The following IGSF21 variants were observed in gnomAD, a reference collection of about 807,000 sequenced individuals.
The protein encoded by IGSF21 is immunoglobin superfamily member 21, also known as immunoglobulin superfamily member 21.
IGSF21 carries 28 observed loss-of-function variants against 46.8 expected under a neutral mutation model. The ratio of observed to expected loss-of-function variants is 0.60; its 90% CI spans 0.44 to 0.82. IGSF21 has a LOEUF of 0.82. IGSF21 is among the 40% of genes least tolerant of loss of function. The pLI is 0.00. For missense variants in IGSF21, 624 were observed against 665.5 expected (o/e 0.94, Z 0.69); for synonymous variants, 284 against 273.6 (o/e 1.04, Z -0.38).
chr1:18,351,621 T>C (rs1211627335), intron 4 of IGSF21, among the ~76,000 whole-genome samples: 1 of 152,168 alleles, frequency 6.6e-6, no homozygotes, highest in Non-Finnish European at 1.5e-5. Context: ...AGTTCTTGAA[T>C]GTGCCTCCCT....
Position 18,322,941 on chromosome 1 carries a change from T to C in IGSF21, c.306-11951T>C, listed in dbSNP as rs2085618472. Among the ~76,000 whole-genome samples, 1 of 151,870 alleles carries C rather than the reference T, an allele frequency of 6.6e-6. No homozygotes were observed. Among genetic ancestry groups the C allele is most frequent in the East Asian group, 1.9e-4 (1 of 5,154 alleles). On this transcript the variant is annotated intron_variant, in intron 3 of 9. Transcript: ENST00000251296. This position sits in a 1 kb window ranked among gnomAD's most constrained non-coding sequence, Gnocchi z 4.3. ...GGGGAAGGGGTCAGCCAGTGAAAGA[T>C]GGAGGGTGGGAATGGGGAAGCGGGT...
At chr1:18,169,484 C>T (rs1210726615) in intron 1 of IGSF21, among the ~76,000 whole-genome samples, 1 of 152,200 alleles carries the variant, frequency 6.6e-6, no homozygotes, top group Non-Finnish European at 1.5e-5. Context: ...ACAAGGGTGG[C>T]CCAAGCATTC....
At chr1:18,347,916 A>C (rs1298859429) in intron 4 of IGSF21, among the ~76,000 whole-genome samples, 2 of 152,202 alleles carry the variant, frequency 1.3e-5, no homozygotes, top group Admixed American at 6.5e-5. Context: ...TGGGGGGAGC[A>C]CTGAGAGAGT....
In IGSF21 at chr1:18,362,145, C is replaced by G; in HGVS notation, c.455C>G (p.Ala152Gly). 1.2e-6 allele frequency: 2 copies of G among 1,611,566 alleles called. No individual in the cohort carries two copies. Among genetic ancestry groups the G allele is most frequent in the Non-Finnish European group, 1.7e-6 (2 of 1,179,084 alleles). ...APPTSIEVVA[A>G]DTPAPFSRYQ... ...CCCACCTCCATTGAAGTGGTGGCTGCTGACACACCAGCCCCCTTCAGCCGC... is the reference window on the plus strand; with the variant it reads ...CCCACCTCCATTGAAGTGGTGGCTGGTGACACACCAGCCCCCTTCAGCCGC... The change falls in exon 5 of 10, where the codon GCT (alanine) becomes GGT (glycine). Residue 152 changes from alanine to glycine, a missense_variant. Coordinates refer to ENST00000251296, the MANE Select transcript of IGSF21 (RefSeq NM_032880.5).
chr1:18,165,753 C>T (rs948135418), intron 1 of IGSF21, among the ~76,000 whole-genome samples: 1 of 152,218 alleles, frequency 6.6e-6, no homozygotes. Context: ...ACAATTTAGC[C>T]TAAATATTTG....
chr1:18,362,150 A>G lies in IGSF21; in HGVS notation c.460A>G (p.Thr154Ala), dbSNP rs1329438131. The G allele has an allele frequency of 1.3e-5, 21 of 1,612,122 alleles. No individual in the cohort carries two copies. Among genetic ancestry groups the G allele is most frequent in the Non-Finnish European group, 1.8e-5 (21 of 1,179,364 alleles). ...CTCCATTGAAGTGGTGGCTGCTGAC[A>G]CACCAGCCCCCTTCAGCCGCTACCA... The part of the protein sequence containing the change: ...PTSIEVVAAD[T>A]PAPFSRYQAQ... Residue 154 changes from threonine (T) to alanine (A), a missense_variant, in exon 5 of 10, where the codon ACA (threonine) becomes GCA (alanine). Physicochemically the swap from Thr to Ala is moderately conservative, Grantham distance 58. Transcript: ENST00000251296.
chr1:18,115,906 A>G (rs1184792831), intron 1 of IGSF21: 1 of 111,258 alleles, frequency 9.0e-6, no homozygotes, highest in Non-Finnish European at 1.8e-5. Flanking sequence ...AGAAAGAAGG[A>G]GAGGGAGGGA....
At chr1:18,254,265 T>C (rs1031659908) in intron 2 of IGSF21, among the ~76,000 whole-genome samples, 1 of 145,864 alleles carries the variant, frequency 6.9e-6, no homozygotes, top group Non-Finnish European at 1.5e-5. Flanking sequence ...TGGAGAGAGT[T>C]TGTCATTCCT....
chr1:18,365,752 G>A lies in IGSF21; in HGVS notation c.1015+55G>A, dbSNP rs1380525253. 1.4e-5 allele frequency: 20 copies of A among 1,463,842 alleles called. No individual in the cohort carries two copies. The East Asian group carries it at 1.4e-4, about 10-fold the overall frequency. 90.7% of individuals were successfully genotyped at this position (1,463,842 alleles called of 1,614,324 possible). A position where few individuals can be genotyped will look rare whatever the true frequency, so the allele number is the denominator to read the frequency against. ...GCCCTTGCAGACCTGGGTGTGGGGA[G>A]AGCCTTGGAATAGGGTTCCTGGGCT... On this transcript the variant is annotated intron_variant, in intron 6 of 9. Coordinates refer to ENST00000251296, the MANE Select transcript of IGSF21 (RefSeq NM_032880.5). This position sits in a 1 kb window ranked among gnomAD's most constrained non-coding sequence, Gnocchi z 4.8.
intron 6 of IGSF21, among the ~76,000 whole-genome samples, chr1:18,372,515 AGGATGGATGGATGGATGGAT>A (rs55650912): frequency 7.1e-6 from 1 of 139,934 alleles, no homozygotes; most frequent in African/African-American, 2.7e-5. Context: ...GATGGATGGA[AGGATGGATGGATGGATGGAT>A]GGATGGATGG....
chr1:18,336,347 G>A (rs1263545167), intron 4 of IGSF21, among the ~76,000 whole-genome samples: 1 of 152,180 alleles, frequency 6.6e-6, no homozygotes, highest in Non-Finnish European at 1.5e-5. Context: ...TGCAGCTATT[G>A]GGCTGAGTGC....
At chr1:18,108,459 C>T (rs778321801) in intron 1 of IGSF21, among the ~76,000 whole-genome samples, 2 of 151,382 alleles carry the variant, frequency 1.3e-5, no homozygotes. Context: ...CGGGAAGGAG[C>T]TGTGTGGGCA....
At chr1:18,175,399 C>A (rs2086785440) in intron 1 of IGSF21, among the ~76,000 whole-genome samples, 1 of 152,140 alleles carries the variant, frequency 6.6e-6, no homozygotes, top group Non-Finnish European at 1.5e-5. Flanking sequence ...GAGTGAACTG[C>A]AGAGTTAGCA....
chr1:18,261,082 G>A (rs1383005733), intron 2 of IGSF21, among the ~76,000 whole-genome samples: 1 of 152,206 alleles, frequency 6.6e-6, no homozygotes, highest in Non-Finnish European at 1.5e-5. Context: ...TAGGACTGCT[G>A]GAGCACCCAG....
chr1:18,353,053 A>G (rs1461083658), intron 4 of IGSF21, among the ~76,000 whole-genome samples: 3 of 152,038 alleles, frequency 2.0e-5, no homozygotes, highest in Non-Finnish European at 4.4e-5. Context: ...GCTGCCACAT[A>G]AAAGGGCCCA....
chr1:18,230,475 G>A (rs951602075), intron 2 of IGSF21, among the ~76,000 whole-genome samples: 14 of 152,102 alleles, frequency 9.2e-5, no homozygotes, highest in Admixed American at 2.0e-4. Flanking sequence ...ATATGCAGAT[G>A]TATGCAAATC....
intron 1 of IGSF21, among the ~76,000 whole-genome samples, chr1:18,225,087 A>ACACACACACG (rs2084551765): frequency 3.3e-5 from 1 of 30,566 alleles, no homozygotes; most frequent in Non-Finnish European, 8.5e-5. Flanking sequence ...TCTCTCTCTC[A>ACACACACACG]CACACACACA....
chr1:18,225,497 C>T (rs1220574985), intron 1 of IGSF21, among the ~76,000 whole-genome samples: 1 of 152,170 alleles, frequency 6.6e-6, no homozygotes, highest in Non-Finnish European at 1.5e-5. Context: ...AGGCACACAC[C>T]ATCTGCACCC....
chr1:18,210,416 G>A (rs2084377322), intron 1 of IGSF21, among the ~76,000 whole-genome samples: 1 of 152,192 alleles, frequency 6.6e-6, no homozygotes, highest in Non-Finnish European at 1.5e-5. Flanking sequence ...TGGAGTGAGT[G>A]GATCTAGTTT....
Sources: gnomAD v4.1 joint callset for allele counts (sites outside exome capture counted in the v4.1 genomes callset) on GRCh38, gnomAD v4.1.1 for gene constraint, Gnocchi (gnomAD v3.1) non-coding constraint, MANE v1.5 for transcripts, NCBI Gene and HGNC (gene_info 2026-07-23, HGNC 2026-07-21) for gene names.